The following AHI1 variants were observed in gnomAD, a reference collection of about 807,000 sequenced individuals.
AHI1 encodes jouberin.
AHI1 carries 123 observed loss-of-function variants against 149.3 expected under a neutral mutation model. That is an observed-to-expected ratio of 0.82 (90% CI 0.71 to 0.96). The LOEUF (loss-of-function observed/expected upper bound fraction) is 0.96, where lower values mean the gene tolerates loss of function less well. Ranked by LOEUF, AHI1 falls within the 40% of genes least tolerant of loss-of-function variation. The probability of loss-of-function intolerance (pLI) is 0.00; values close to 1 mark genes in which losing one functional copy is unlikely to be tolerated. For missense variants in AHI1, 1,439 were observed against 1,422.7 expected (o/e 1.01, Z -0.18); for synonymous variants, 475 against 459.8 (o/e 1.03, Z -0.42).
intron 23 of AHI1, among the ~76,000 whole-genome samples, chr6:135,389,276 A>C (rs1408871047): frequency 6.9e-6 from 1 of 145,920 alleles, no homozygotes; most frequent in Non-Finnish European, 1.5e-5. Context: ...GTGCCACTGC[A>C]CCAGCCTGGG....
In AHI1 at chr6:135,302,206, AC is replaced by A. The variant is rs1179177282; in HGVS notation, c.3427-1649del. The A allele has an allele frequency of 3.0e-6, 3 of 985,244 alleles. No individual in the cohort carries two copies. The African/African-American group carries it at 5.2e-5, about 17-fold the overall frequency. The allele number at this position is 985,244 out of a possible 1,614,324, so 61.0% of individuals were successfully genotyped here. ...TTTTTCTCTCTTTGCCCATGGCAAG[AC>A]CAGCAACTTACCATCAATATAGGTA... On this transcript the variant is annotated intron_variant, in intron 26 of 28. Transcript: ENST00000265602.
At chr6:135,288,968 A>G (rs1180590934) in intron 28 of AHI1, among the ~76,000 whole-genome samples, 1 of 152,072 alleles carries the variant, frequency 6.6e-6, no homozygotes, top group African/African-American at 2.4e-5. Flanking sequence ...GGTATGTATC[A>G]TAAGTTTGAA....
intron 24 of AHI1, among the ~76,000 whole-genome samples, chr6:135,355,937 C>T (rs1203657025): frequency 6.6e-6 from 1 of 151,994 alleles, no homozygotes; most frequent in Non-Finnish European, 1.5e-5. Flanking sequence ...ATATCTTTCC[C>T]TTGAAAAGAG....
intron 27 of AHI1, among the ~76,000 whole-genome samples, chr6:135,295,481 A>C (rs2327612): frequency 0.2 from 30,749 of 152,002 alleles, 8,116 homozygotes; most frequent in African/African-American, 0.61. Flanking sequence ...AACAAAAAAA[A>C]CCCCTATGTT....
chr6:135,445,009 A>G (rs936214787), intron 13 of AHI1, among the ~76,000 whole-genome samples: 1 of 152,234 alleles, frequency 6.6e-6, no homozygotes, highest in African/African-American at 2.4e-5. Flanking sequence ...TCTCTGAAGC[A>G]TATCTGAAAA....
At chr6:135,491,885 A>C (rs921792485) in intron 4 of AHI1, among the ~76,000 whole-genome samples, 2 of 152,204 alleles carry the variant, frequency 1.3e-5, no homozygotes, top group African/African-American at 2.4e-5. Flanking sequence ...TAAGCCTAAA[A>C]TATTTACTAG....
intron 13 of AHI1, among the ~76,000 whole-genome samples, chr6:135,443,518 T>C (rs992530429): frequency 6.6e-6 from 1 of 152,150 alleles, no homozygotes; most frequent in African/African-American, 2.4e-5. Context: ...ACCCTATGAG[T>C]AGCTATTACT....
chr6:135,337,832 T>C (rs1183207461), intron 24 of AHI1, among the ~76,000 whole-genome samples: 1 of 148,552 alleles, frequency 6.7e-6, no homozygotes, highest in African/African-American at 2.5e-5. Context: ...AGAAAGAGGA[T>C]AGCCAGATAT....
At chr6:135,336,498 T>C (rs549223311) in intron 24 of AHI1, among the ~76,000 whole-genome samples, 3 of 152,134 alleles carry the variant, frequency 2.0e-5, no homozygotes. Context: ...CTTGGGAGGC[T>C]GAGGCAGGAG....
intron 5 of AHI1, among the ~76,000 whole-genome samples, chr6:135,482,985 G>A (rs1032256399): frequency 5.2e-4 from 72 of 139,738 alleles, no homozygotes; most frequent in African/African-American, 1.8e-3. Flanking sequence ...TCCACCTCCC[G>A]GCTTCAAGTA....
intron 28 of AHI1, among the ~76,000 whole-genome samples, chr6:135,288,471 A>G (rs1043540836): frequency 1.3e-5 from 2 of 152,078 alleles, no homozygotes; most frequent in Non-Finnish European, 2.9e-5. Context: ...GTAAATATAC[A>G]GTAAGTAGAT....
At chr6:135,494,284 G>T (rs529708526) in intron 3 of AHI1, among the ~76,000 whole-genome samples, 44 of 152,314 alleles carry the variant, frequency 2.9e-4, no homozygotes, top group African/African-American at 1.0e-3. Flanking sequence ...AAATGATTTA[G>T]AACAGTACCG....
At chr6:135,359,213 AT>A (rs1793470648) in intron 23 of AHI1, among the ~76,000 whole-genome samples, 1 of 152,202 alleles carries the variant, frequency 6.6e-6, no homozygotes. Context: ...TGTTTCATTA[AT>A]TTTTTGTAAC....
intron 23 of AHI1, among the ~76,000 whole-genome samples, chr6:135,368,714 T>C (rs998156168): frequency 2.6e-5 from 4 of 151,998 alleles, no homozygotes; most frequent in Non-Finnish European, 4.4e-5. Flanking sequence ...CCAGTTCCCA[T>C]GCATCCCAAA....
intron 11 of AHI1, among the ~76,000 whole-genome samples, chr6:135,450,067 A>C (rs1417948223): frequency 6.6e-6 from 1 of 152,188 alleles, no homozygotes; most frequent in Non-Finnish European, 1.5e-5. Flanking sequence ...ACAAATCTGA[A>C]GCACAGGTGA....
chr6:135,490,392 C>T, intron 5 of AHI1: 2 of 648,854 alleles, frequency 3.1e-6, no homozygotes, highest in South Asian at 3.7e-5. Context: ...TGGTCATTTT[C>T]CCCACTGTGT....
rs75178631 is a variant in AHI1, at chr6:135,494,632, A to G, written c.-55+1182T>C. On this transcript the variant is annotated intron_variant, in intron 3 of 28. Coordinates refer to ENST00000265602, the MANE Select transcript of AHI1 (RefSeq NM_001134831.2). ...AAAAACAACAACTGTTATTACTGTC[A>G]CGTGTGTGTGTGTTTACGTATATAA... Among the ~76,000 whole-genome samples, 398 of 152,312 alleles carry G rather than the reference A, an allele frequency of 2.6e-3. 1 individual carries two copies. The highest frequency in any genetic ancestry group is 9.1e-3 in the African/African-American group (379 of 41,576).
At chr6:135,381,008 C>T (rs1276969541) in intron 23 of AHI1, among the ~76,000 whole-genome samples, 2 of 151,998 alleles carry the variant, frequency 1.3e-5, no homozygotes, top group African/African-American at 4.8e-5. Flanking sequence ...TATTTTTTCC[C>T]TGCAGTAGTT....
chr6:135,357,679 A>G (rs1159524057), intron 24 of AHI1, among the ~76,000 whole-genome samples: 1 of 152,228 alleles, frequency 6.6e-6, no homozygotes, highest in Non-Finnish European at 1.5e-5. Flanking sequence ...TTCAGAGACT[A>G]AAAGGGAAAT....
Sources: allele counts gnomAD v4.1 joint callset (sites outside exome capture counted in the v4.1 genomes callset), GRCh38; gene constraint gnomAD v4.1.1; transcripts MANE v1.5; gene names NCBI Gene and HGNC (gene_info 2026-07-23, HGNC 2026-07-21).